ADCY2: variants seen among roughly 807,000 people sequenced by gnomAD.
ADCY2 encodes the protein adenylate cyclase 2, also known as adenylate cyclase type 2.
A neutral mutation model predicts 125.2 loss-of-function variants in ADCY2; 31 were observed. The observed-to-expected ratio is 0.25, with a 90% CI of 0.19 to 0.33. ADCY2 has a LOEUF of 0.33. ADCY2 is among the 10% of genes least tolerant of loss of function. The pLI is 1.00. For synonymous variants in ADCY2, 512 were observed against 548.4 expected, an observed-to-expected ratio of 0.93 and a Z score of 0.93; for missense variants, 904 against 1,418.2, an observed-to-expected ratio of 0.64 and a Z score of 5.82.
At chr5:7,526,475 G>T (rs1206320296) in intron 3 of ADCY2, among the ~76,000 whole-genome samples, 1 of 152,116 alleles carries the variant, frequency 6.6e-6, no homozygotes, top group Non-Finnish European at 1.5e-5. Flanking sequence ...GAATTGTAAT[G>T]TTCCCAACAC....
chr5:7,610,489 C>A (rs1296239966), intron 3 of ADCY2, among the ~76,000 whole-genome samples: 1 of 151,618 alleles, frequency 6.6e-6, no homozygotes, highest in Non-Finnish European at 1.5e-5. Context: ...AGAGTAGTTT[C>A]GGTGGTGCCT....
chr5:7,758,592 G>A lies in ADCY2; in HGVS notation c.2094+1006G>A, dbSNP rs569712111. On this transcript the variant is annotated intron_variant, in intron 16 of 24. Coordinates refer to ENST00000338316, the MANE Select transcript of ADCY2 (RefSeq NM_020546.3). Reference sequence around the variant, plus strand: ...TTGTATATAAAGATGTGTCTGGTATGTGCTGCATGCTCAGACCCCAAAGAC... The same window carrying A: ...TTGTATATAAAGATGTGTCTGGTATATGCTGCATGCTCAGACCCCAAAGAC... Among the ~76,000 whole-genome samples, 22 of 152,336 alleles carry A rather than the reference G, an allele frequency of 1.4e-4. No homozygotes were observed. In the South Asian group the frequency reaches 4.6e-3, roughly 32 times the overall value.
intron 5 of ADCY2, among the ~76,000 whole-genome samples, chr5:7,692,990 T>A (rs1479591976): frequency 6.6e-6 from 1 of 152,070 alleles, no homozygotes; most frequent in Non-Finnish European, 1.5e-5. Context: ...ACAACCAAAG[T>A]TGGACTACTC....
intron 2 of ADCY2, among the ~76,000 whole-genome samples, chr5:7,416,059 G>A (rs902246304): frequency 1.3e-5 from 2 of 152,142 alleles, no homozygotes; most frequent in Non-Finnish European, 2.9e-5. Flanking sequence ...GGGTTTCCAG[G>A]GTTTCCAGAG....
intron 3 of ADCY2, among the ~76,000 whole-genome samples, chr5:7,539,949 T>C (rs1419959588): frequency 6.6e-6 from 1 of 152,244 alleles, no homozygotes; most frequent in African/African-American, 2.4e-5. Flanking sequence ...ATTATGTTAC[T>C]AAACACAGTT....
chr5:7,494,921 T>C (rs1408969503), intron 2 of ADCY2, among the ~76,000 whole-genome samples: 2 of 152,228 alleles, frequency 1.3e-5, no homozygotes, highest in Non-Finnish European at 2.9e-5. Context: ...CAAGCTTCTC[T>C]GAGAGAACAC....
At chr5:7,816,218 G>C (rs1745106413) in intron 22 of ADCY2, among the ~76,000 whole-genome samples, 1 of 152,232 alleles carries the variant, frequency 6.6e-6, no homozygotes, top group Admixed American at 6.5e-5. Context: ...CAAGGCCTAA[G>C]AGGGCAAAAG....
chr5:7,750,300 T>C (rs937946296), intron 15 of ADCY2, among the ~76,000 whole-genome samples: 2 of 152,166 alleles, frequency 1.3e-5, no homozygotes, highest in African/African-American at 4.8e-5. Context: ...AACCGTAACA[T>C]GTACACATGA....
chr5:7,659,568 T>A (rs1465489265), intron 4 of ADCY2, among the ~76,000 whole-genome samples: 2 of 152,232 alleles, frequency 1.3e-5, no homozygotes, highest in African/African-American at 4.8e-5. Context: ...CTGAGAGTTA[T>A]ACTTGCAGTT....
chr5:7,640,611 CTG>C (rs1232272694), intron 4 of ADCY2, among the ~76,000 whole-genome samples: 1 of 152,054 alleles, frequency 6.6e-6, no homozygotes, highest in East Asian at 1.9e-4. Flanking sequence ...AAAATGGTAA[CTG>C]TTTCTCATGT....
chr5:7,674,556 A>AT (rs1308350126), intron 4 of ADCY2, among the ~76,000 whole-genome samples: 2 of 152,160 alleles, frequency 1.3e-5, no homozygotes, highest in Non-Finnish European at 2.9e-5. Context: ...CATTTTATTC[A>AT]TTTTTTAAAA....
At chr5:7,668,523 T>C (rs1739831460) in intron 4 of ADCY2, among the ~76,000 whole-genome samples, 2 of 152,182 alleles carry the variant, frequency 1.3e-5, no homozygotes, top group Admixed American at 1.3e-4. Context: ...ACTTCAGAGA[T>C]CACTAGAAAT....
intron 2 of ADCY2, among the ~76,000 whole-genome samples, chr5:7,421,523 A>G (rs1740202511): frequency 1.3e-5 from 2 of 152,214 alleles, no homozygotes; most frequent in African/African-American, 4.8e-5. Flanking sequence ...TAATGACCTC[A>G]TCTTAATTGG....
intron 11 of ADCY2, among the ~76,000 whole-genome samples, chr5:7,715,141 C>T (rs1197122663): frequency 6.6e-6 from 1 of 152,174 alleles, no homozygotes; most frequent in Non-Finnish European, 1.5e-5. Flanking sequence ...GCAGAGGTCA[C>T]AAGACTGCAG....
intron 4 of ADCY2, among the ~76,000 whole-genome samples, chr5:7,662,213 G>A (rs530106574): frequency 1.6e-4 from 25 of 152,180 alleles, no homozygotes; most frequent in Non-Finnish European, 2.6e-4. Context: ...ACAATACTGG[G>A]GTCTAAAGGA....
At chr5:7,781,970 T>A (rs1743935721) in intron 18 of ADCY2, among the ~76,000 whole-genome samples, 1 of 152,192 alleles carries the variant, frequency 6.6e-6, no homozygotes, top group African/African-American at 2.4e-5. Context: ...GAGTTGGCAG[T>A]TCTCTTTTGC....
chr5:7,455,710 T>C (rs964342098), intron 2 of ADCY2, among the ~76,000 whole-genome samples: 6 of 145,100 alleles, frequency 4.1e-5, no homozygotes, highest in Non-Finnish European at 7.4e-5. Flanking sequence ...TTAACATAAT[T>C]ATATTATGTT....
At chr5:7,703,274 G>A (rs1253189348) in intron 7 of ADCY2, among the ~76,000 whole-genome samples, 1 of 152,160 alleles carries the variant, frequency 6.6e-6, no homozygotes, top group Non-Finnish European at 1.5e-5. Flanking sequence ...ATTGCTTTTG[G>A]TGTTTTAGAC....
intron 23 of ADCY2, 43 bp from the exon 24 acceptor site, chr5:7,820,522 G>A (rs1376104319): frequency 1.2e-6 from 2 of 1,609,546 alleles, no homozygotes; most frequent in Non-Finnish European, 1.7e-6. Context: ...AAAGACAATG[G>A]TTATAAGATG....
Sources: allele counts gnomAD v4.1 joint callset (sites outside exome capture counted in the v4.1 genomes callset), GRCh38; gene constraint gnomAD v4.1.1; transcripts MANE v1.5; gene names NCBI Gene and HGNC (gene_info 2026-07-23, HGNC 2026-07-21).